KCNAB1: variants seen among roughly 807,000 people sequenced by gnomAD.
KCNAB1 encodes the protein voltage-gated potassium channel subunit beta-1.
A neutral mutation model predicts 64.6 loss-of-function variants in KCNAB1; 35 were observed. That is an observed-to-expected ratio of 0.54 (90% CI 0.41 to 0.72). The LOEUF is 0.72. Among genes scored for constraint, KCNAB1 ranks in the 30% least tolerant of loss-of-function variants. The pLI is 0.00. For synonymous variants in KCNAB1, 177 were observed against 183.8 expected (o/e 0.96, Z 0.30); for missense variants, 401 against 512.9 (o/e 0.78, Z 2.11).
At chr3:156,405,119 T>C (rs1478580668) in intron 1 of KCNAB1, among the ~76,000 whole-genome samples, 5 of 152,234 alleles carry the variant, frequency 3.3e-5, no homozygotes, top group Non-Finnish European at 5.9e-5. Context: ...CTGCTGAGGT[T>C]AGAAGCTCCC....
chr3:156,307,381 T>C lies in KCNAB1; in HGVS notation c.276-114235T>C, dbSNP rs1334012448. On this transcript the variant is annotated intron_variant, in intron 1 of 13. Transcript: ENST00000490337. ...TTCTTTTCATCTTTTTTTTTTTTTATTGTTGGTCTACCTCCACAAGAAAAG... is the reference window on the plus strand; with the variant it reads ...TTCTTTTCATCTTTTTTTTTTTTTACTGTTGGTCTACCTCCACAAGAAAAG... 3.4e-5 allele frequency among the ~76,000 whole-genome samples: 5 copies of C among 147,436 alleles called. No homozygotes were observed. In the East Asian group the frequency reaches 9.8e-4, roughly 29 times the overall value.
At chr3:156,125,373 T>G (rs1012085433) in intron 1 of KCNAB1, among the ~76,000 whole-genome samples, 3 of 152,168 alleles carry the variant, frequency 2.0e-5, no homozygotes, top group Non-Finnish European at 4.4e-5. Context: ...TCAATTAATA[T>G]TTTATAAGAG....
At chr3:156,321,370 T>C (rs1722649439) in intron 1 of KCNAB1, among the ~76,000 whole-genome samples, 1 of 152,118 alleles carries the variant, frequency 6.6e-6, no homozygotes, top group South Asian at 2.1e-4. Context: ...AGATGGGTAA[T>C]ATTGGCCCAT....
chr3:156,217,259 A>C (rs1177733427), intron 1 of KCNAB1, among the ~76,000 whole-genome samples: 2 of 152,180 alleles, frequency 1.3e-5, no homozygotes, highest in Non-Finnish European at 2.9e-5. Flanking sequence ...TGCAATCCAG[A>C]TGTTGTGCTA....
At chr3:156,186,975 C>T (rs1713242416) in intron 1 of KCNAB1, among the ~76,000 whole-genome samples, 1 of 152,066 alleles carries the variant, frequency 6.6e-6, no homozygotes, top group South Asian at 2.1e-4. Context: ...CCTCAGCCTC[C>T]CAAGTAGCTG....
intron 1 of KCNAB1, among the ~76,000 whole-genome samples, chr3:156,311,023 T>G (rs1394502070): frequency 6.6e-6 from 1 of 152,012 alleles, no homozygotes; most frequent in Non-Finnish European, 1.5e-5. Context: ...TATAAGCAGG[T>G]GCAAGTGAAA....
rs1372789335 is a variant in KCNAB1 at position 156,452,503 on chromosome 3, C to T, written c.320-396C>T. Among the ~76,000 whole-genome samples, 2 of 152,194 alleles carry T rather than the reference C, an allele frequency of 1.3e-5. No individual in the cohort carries two copies. Among genetic ancestry groups the T allele is most frequent in the Admixed American group, 1.3e-4 (2 of 15,278 alleles). ...TATTTGGAGGCAAAGAAGGGGAGAA[C>T]TATAACCATAACCCAAGGTCTTACC... On this transcript the variant is annotated intron_variant, in intron 2 of 13. Coordinates refer to ENST00000490337, the MANE Select transcript of KCNAB1 (RefSeq NM_172160.3). This position sits in a 1 kb window ranked among gnomAD's most constrained non-coding sequence, Gnocchi z 4.6.
intron 2 of KCNAB1, among the ~76,000 whole-genome samples, chr3:156,429,047 C>T (rs1344837789): frequency 2.0e-5 from 3 of 152,224 alleles, no homozygotes; most frequent in Non-Finnish European, 4.4e-5. Flanking sequence ...GGTGTTTCTT[C>T]TCAACTCTGG....
At chr3:156,470,120 G>A (rs1408195754) in intron 7 of KCNAB1, among the ~76,000 whole-genome samples, 3 of 152,182 alleles carry the variant, frequency 2.0e-5, no homozygotes, top group Non-Finnish European at 4.4e-5. Context: ...ATGTAGGTTT[G>A]AAAGAATTCA....
rs186471191 is a variant in KCNAB1, at chr3:156,498,841, T to C, written c.659-15523T>C. On this transcript the variant is annotated intron_variant, in intron 8 of 13. Coordinates refer to ENST00000490337, the MANE Select transcript of KCNAB1 (RefSeq NM_172160.3). ...GCTTTCACTGGAAACTTTAAACAAG[T>C]GGAATCAAGATGCTGAAGCATTTCT... 4.7e-4 allele frequency among the ~76,000 whole-genome samples: 71 copies of C among 152,132 alleles called. 1 individual carries two copies. The highest frequency in any genetic ancestry group is 8.5e-4 in the Non-Finnish European group (58 of 68,014).
At chr3:156,150,237 C>T (rs1459434006) in intron 1 of KCNAB1, among the ~76,000 whole-genome samples, 2 of 152,156 alleles carry the variant, frequency 1.3e-5, no homozygotes. Context: ...ACAAACAGAA[C>T]GTGTTATTTC....
intron 1 of KCNAB1, among the ~76,000 whole-genome samples, chr3:156,168,621 A>T (rs1560117333): frequency 6.6e-6 from 1 of 152,208 alleles, no homozygotes; most frequent in Non-Finnish European, 1.5e-5. Flanking sequence ...GCAATACAAC[A>T]TGGATACATC....
intron 1 of KCNAB1, among the ~76,000 whole-genome samples, chr3:156,145,558 A>AT (rs1490810662): frequency 1.3e-5 from 2 of 152,018 alleles, no homozygotes; most frequent in South Asian, 2.1e-4. Flanking sequence ...CTTTATTATG[A>AT]TTTTTCCCCC....
At chr3:156,281,507 T>C (rs1205525453) in intron 1 of KCNAB1, among the ~76,000 whole-genome samples, 1 of 152,088 alleles carries the variant, frequency 6.6e-6, no homozygotes, top group African/African-American at 2.4e-5. Context: ...ATTCCCTCTT[T>C]TTCTATTGAT....
chr3:156,286,791 A>C (rs75799822), intron 1 of KCNAB1, among the ~76,000 whole-genome samples: 3,139 of 152,274 alleles, frequency 0.021, 125 homozygotes, highest in African/African-American at 0.073. Context: ...CCCTCTCATA[A>C]GGAAGTTCTT....
intron 2 of KCNAB1, among the ~76,000 whole-genome samples, chr3:156,424,504 GT>G (rs1266175414): frequency 6.6e-5 from 10 of 151,166 alleles, no homozygotes; most frequent in East Asian, 3.9e-4. Flanking sequence ...TCTGACCTTA[GT>G]TTTTTTTTAA....
chr3:156,409,084 C>T (rs1714459233), intron 1 of KCNAB1, among the ~76,000 whole-genome samples: 1 of 152,138 alleles, frequency 6.6e-6, no homozygotes, highest in Non-Finnish European at 1.5e-5. Flanking sequence ...ACCTACTTTA[C>T]ATAATGATTT....
In KCNAB1 at chr3:156,427,544, A is replaced by G. The variant is rs145754701; in HGVS notation, c.319+5885A>G. ...TATTCAAAATATTTTTGAGTGAATG[A>G]CTGGAGAGATGATCAATTGCTAAGA... On this transcript the variant is annotated intron_variant, in intron 2 of 13. Transcript: ENST00000490337. Among the ~76,000 whole-genome samples the G allele has an allele frequency of 1.6e-4, 25 of 152,308 alleles. No homozygotes were observed. In the East Asian group the frequency reaches 4.4e-3, roughly 27 times the overall value.
In KCNAB1 at chr3:156,297,259, CTTTTTTT is replaced by C. The variant is rs71141704; in HGVS notation, c.276-124337_276-124331del. ...ATAACACAGTATGTATTGAGGTTGG[CTTTTTTT>C]TTTTTTTTTTTTTTTTTTTACTCAG... On this transcript the variant is annotated intron_variant, in intron 1 of 13. Coordinates refer to ENST00000490337, the MANE Select transcript of KCNAB1 (RefSeq NM_172160.3). Among the ~76,000 whole-genome samples, 189 of 96,520 alleles carry C rather than the reference CTTTTTTT, an allele frequency of 2.0e-3. 1 individual carries two copies. The highest frequency in any genetic ancestry group is 5.4e-3 in the African/African-American group (181 of 33,716). The allele number at this position is 96,520 out of a possible 152,430, so 63.3% of individuals were successfully genotyped here. A position where few individuals can be genotyped will look rare whatever the true frequency, so the allele number is the denominator to read the frequency against.
Sources: allele counts gnomAD v4.1 joint callset (sites outside exome capture counted in the v4.1 genomes callset), GRCh38; gene constraint gnomAD v4.1.1; non-coding constraint Gnocchi (gnomAD v3.1); transcripts MANE v1.5; gene names NCBI Gene and HGNC (gene_info 2026-07-23, HGNC 2026-07-21).